FN1: variants seen among roughly 807,000 people sequenced by gnomAD.
The protein encoded by FN1 is fibronectin 1.
In FN1, 106 loss-of-function variants were observed where a neutral mutation model predicts 297.3. That is an observed-to-expected ratio of 0.36 (90% confidence interval 0.30 to 0.42). The LOEUF is 0.42. Among genes scored for constraint, FN1 ranks in the 10% least tolerant of loss-of-function variants. The pLI is 1.00. For missense variants in FN1, 2,690 were observed against 3,124.9 expected (o/e 0.86, Z 3.32); for synonymous variants, 1,149 against 1,152.6 (o/e 1.00, Z 0.06).
chr2:215,386,803 A>T lies in FN1; in HGVS notation c.4498T>A (p.Ser1500Thr). ...TTGGTGAGGGTGATGGAATTCCGAG[A>T]GTGGGGCACCCGATCTTCTCGAGGT... ...GRPREDRVPH[S>T]RNSITLTNLT... The change falls in exon 28 of 46, where the codon TCT becomes ACT. Residue 1500 changes from serine (S) to threonine (T), a missense_variant. By Grantham distance (58) the Ser-to-Thr change is moderately conservative (BLOSUM62 1). This residue lies in a region of FN1 where 1,743 missense variants were observed against 1,945.2 expected (regional missense o/e 0.90). Transcript: ENST00000354785. The T allele has an allele frequency of 6.2e-7, 1 of 1,613,910 alleles. No individual in the cohort carries two copies. Among genetic ancestry groups the T allele is most frequent in the Non-Finnish European group, 8.5e-7 (1 of 1,179,968 alleles).
At chr2:215,431,048 T>C (rs573623893) in intron 4 of FN1, among the ~76,000 whole-genome samples, 196 bp from the exon 5 acceptor site, 12 of 152,180 alleles carry the variant, frequency 7.9e-5, no homozygotes, top group Admixed American at 4.6e-4. Flanking sequence ...TCAAGCTGAG[T>C]TGGCAGGCAG....
At chr2:215,363,385 A>C (rs1575159095) in intron 44 of FN1, 1 of 151,978 alleles carries the variant, frequency 6.6e-6, no homozygotes, top group Admixed American at 6.5e-5. Flanking sequence ...TGGGAGAGAG[A>C]GAGAGAGAGA....
chr2:215,398,285 T>C (rs1033217422), intron 21 of FN1, among the ~76,000 whole-genome samples: 1 of 152,258 alleles, frequency 6.6e-6, no homozygotes. Flanking sequence ...CTGTAGCAAC[T>C]GTATTGCAAA....
intron 5 of FN1, 43 bp downstream of exon 5, chr2:215,430,672 A>G: frequency 1.2e-6 from 2 of 1,608,894 alleles, no homozygotes; most frequent in Non-Finnish European, 1.7e-6. Flanking sequence ...AATCCAGAAA[A>G]CAATACCTGG....
Position 215,391,695 on chromosome 2 carries a change from T to C in FN1, c.4189A>G (p.Lys1397Glu). ...TNFLVRYSPV[K>E]NEEDVAELSI... The stretch of plus-strand genomic sequence containing the variant: ...AACTCTGCAACATCTTCCTCATTTT[T>C]CACAGGTGAGTAACGCACCAGGAAG... Residue 1397 changes from lysine (K) to glutamate (E), a missense_variant, in exon 26 of 46, where the codon AAA becomes GAA. Around this residue, in one of 3 missense-constraint regions of FN1, gnomAD observed 1,743 missense variants for 1,945.2 expected, o/e 0.90. Transcript: ENST00000354785. 1.2e-6 allele frequency: 2 copies of C among 1,614,178 alleles called. No individual in the cohort carries two copies. Among genetic ancestry groups the C allele is most frequent in the Non-Finnish European group, 1.7e-6 (2 of 1,180,010 alleles).
At chr2:215,381,130 A>G in intron 32 of FN1, 50 bp from the exon 33 acceptor site, 1 of 1,591,000 alleles carries the variant, frequency 6.3e-7, no homozygotes, top group South Asian at 1.1e-5. Context: ...AAGTTGTGAA[A>G]TAAGCATTTT....
intron 41 of FN1, among the ~76,000 whole-genome samples, chr2:215,369,093 G>A (rs1180433246): frequency 6.6e-6 from 1 of 151,968 alleles, no homozygotes; most frequent in Admixed American, 6.6e-5. Context: ...GAATACTGCT[G>A]CTGGGAATAA....
chr2:215,394,737 G>T lies in FN1; in HGVS notation c.3605-18C>A. 6.3e-7 allele frequency: 1 copy of T among 1,597,208 alleles called. No individual in the cohort carries two copies. The highest frequency in any genetic ancestry group is 8.6e-7 in the Non-Finnish European group (1 of 1,164,954). ...AGTAATGTCTGGAGAAAAAAGAAAA[G>T]GGAAGTTATTGCACAGAGGATCTGT... On this transcript the variant is annotated intron_variant, in intron 23 of 45. Transcript: ENST00000354785.
intron 20 of FN1, among the ~76,000 whole-genome samples, chr2:215,400,867 C>T (rs1422082215): frequency 1.3e-5 from 2 of 149,806 alleles, no homozygotes; most frequent in African/African-American, 4.9e-5. Flanking sequence ...GCAATCTCAT[C>T]TCACTGTAAC....
At chr2:215,425,427 C>G in intron 6 of FN1, 142 bp from the exon 7 acceptor site, 2 of 813,654 alleles carry the variant, frequency 2.5e-6, no homozygotes, top group South Asian at 2.9e-5. Context: ...AAAAATGTCC[C>G]TTATTCAGCA....
Position 215,372,272 on chromosome 2 carries a change from A to C in FN1, c.6351T>G (p.Pro2117=). ...GAATACCATTTCCAGTGTCATACCC[A>C]GGGTGGGTGACGAAAGGGGTCTTTT... ...TVQKTPFVTH[P]GYDTGNGIQL... is the part of the protein sequence containing the mutation. Residue 2117 remains proline (P), a synonymous_variant, in exon 40 of 46, where the codon CCT becomes CCG. Coordinates refer to ENST00000354785, the MANE Select transcript of FN1 (RefSeq NM_212482.4). 1.2e-6 allele frequency: 2 copies of C among 1,614,222 alleles called. No individual in the cohort carries two copies. The highest frequency in any genetic ancestry group is 2.2e-5 in the South Asian group (2 of 91,088).
intron 5 of FN1, among the ~76,000 whole-genome samples, 155 bp from the exon 6 acceptor site, chr2:215,428,493 G>A (rs1453685324): frequency 6.6e-6 from 1 of 152,202 alleles, no homozygotes; most frequent in Non-Finnish European, 1.5e-5. Context: ...ACTTCTGAAA[G>A]ATGAAATTAC....
chr2:215,424,396 G>T, intron 7 of FN1, 71 bp from the exon 8 acceptor site: 1 of 1,280,900 alleles, frequency 7.8e-7, no homozygotes. Flanking sequence ...GCTTATTTAT[G>T]GCTTCAATGA....
chr2:215,424,403 A>G (rs2064974474), intron 7 of FN1, 78 bp from the exon 8 acceptor site: 2 of 1,192,980 alleles, frequency 1.7e-6, no homozygotes, highest in Admixed American at 1.7e-5. Flanking sequence ...TATGGCTTCA[A>G]TGAGATACTG....
chr2:215,367,626 T>A, intron 42 of FN1: 1 of 542,708 alleles, frequency 1.8e-6, no homozygotes, highest in East Asian at 3.3e-5. Context: ...CATAATCTTA[T>A]GTGTAATTAA....
intron 12 of FN1, among the ~76,000 whole-genome samples, chr2:215,418,866 C>A (rs1575730245): frequency 6.6e-6 from 1 of 152,224 alleles, no homozygotes; most frequent in Non-Finnish European, 1.5e-5. Context: ...TCTCTCTATG[C>A]AGCTTCTCTG....
intron 29 of FN1, 26 bp from the exon 30 acceptor site, chr2:215,384,210 G>A: frequency 6.2e-7 from 1 of 1,612,854 alleles, no homozygotes; most frequent in Non-Finnish European, 8.5e-7. Context: ...TTAGTTCAGA[G>A]TGTGAGGGGT....
rs552316468 is a variant in FN1, at chr2:215,433,193, A to T, written c.415+131T>A. ...GGAACCAGTTGGGTGACCACTTAAG[A>T]GTACCTGGTCACCAGGGGCAAACCT... On this transcript the variant is annotated intron_variant, in intron 3 of 45. Coordinates refer to ENST00000354785, the MANE Select transcript of FN1 (RefSeq NM_212482.4). The T allele has an allele frequency of 7.5e-6, 8 of 1,071,340 alleles. No homozygotes were observed. The Admixed American group carries it at 1.4e-4, about 19-fold the overall frequency. The allele number at this position is 1,071,340 out of a possible 1,614,324, so 66.4% of individuals were successfully genotyped here. A position where few individuals can be genotyped will look rare whatever the true frequency, so the allele number is the denominator to read the frequency against.
chr2:215,373,456 T>G, intron 38 of FN1, 45 bp from the exon 39 acceptor site: 1 of 1,517,870 alleles, frequency 6.6e-7, no homozygotes, highest in Non-Finnish European at 9.1e-7. Flanking sequence ...TGGGCTCAGC[T>G]AGTCAAGTGG....
Sources: allele counts gnomAD v4.1 joint callset (sites outside exome capture counted in the v4.1 genomes callset), GRCh38; gene constraint gnomAD v4.1.1; regional missense constraint gnomAD v4.1.1; transcripts MANE v1.5; gene names NCBI Gene and HGNC (gene_info 2026-07-23, HGNC 2026-07-21).